NADSYN1: variants seen among roughly 807,000 people sequenced by gnomAD.
NADSYN1 encodes NAD synthetase 1, also known as glutamine-dependent NAD(+) synthetase.
A neutral mutation model predicts 99.3 loss-of-function variants in NADSYN1; 80 were observed. That is an observed-to-expected ratio of 0.81 (90% CI 0.67 to 0.97). The LOEUF is 0.97. Among genes scored for constraint, NADSYN1 ranks in the 50% least tolerant of loss-of-function variants. The pLI is 0.00. For missense variants in NADSYN1, 859 were observed against 948.5 expected (o/e 0.91, Z 1.24); for synonymous variants, 385 against 372.1 (o/e 1.03, Z -0.40).
rs1359873988 is a variant in NADSYN1, at chr11:71,500,236, T to C, written c.2071-1066T>C. ...CAGGAAGATGTCTTGAACTCTTCCTTAAGGACATGAGGAAAACCCGCCTGT... is the reference window on the plus strand; with the variant it reads ...CAGGAAGATGTCTTGAACTCTTCCTCAAGGACATGAGGAAAACCCGCCTGT... On this transcript the variant is annotated intron_variant, in intron 20 of 20. Transcript: ENST00000319023. 3.9e-5 allele frequency among the ~76,000 whole-genome samples: 6 copies of C among 152,010 alleles called. No homozygotes were observed. The South Asian group carries it at 8.3e-4, about 21-fold the overall frequency.
intron 11 of NADSYN1, 125 bp downstream of exon 11, chr11:71,481,004 A>G: frequency 1.5e-6 from 2 of 1,351,402 alleles, no homozygotes; most frequent in Non-Finnish European, 2.0e-6. Flanking sequence ...GCAGAAGGCA[A>G]CTGTGCATCC....
At chr11:71,500,658 C>T (rs955352500) in intron 20 of NADSYN1, among the ~76,000 whole-genome samples, 13 of 152,144 alleles carry the variant, frequency 8.5e-5, no homozygotes, top group Admixed American at 6.5e-5. Context: ...GGCTGATTTC[C>T]GTGGAAAGGA....
intron 16 of NADSYN1, among the ~76,000 whole-genome samples, chr11:71,486,897 C>G (rs1390173264): frequency 6.7e-6 from 1 of 148,594 alleles, no homozygotes; most frequent in African/African-American, 2.5e-5. Context: ...GTTCCGCCTC[C>G]CGGGTTCACG....
intron 16 of NADSYN1, among the ~76,000 whole-genome samples, chr11:71,488,934 G>A (rs978805459): frequency 2.0e-5 from 3 of 152,170 alleles, no homozygotes; most frequent in Non-Finnish European, 4.4e-5. Flanking sequence ...TGGGGATGTT[G>A]CTGGTGAGGA....
At chr11:71,470,737 T>C (rs1949621243) in intron 5 of NADSYN1, among the ~76,000 whole-genome samples, 1 of 152,230 alleles carries the variant, frequency 6.6e-6, no homozygotes, top group Admixed American at 6.5e-5. Context: ...TCAGGTCTTC[T>C]TATTTCAGGA....
intron 16 of NADSYN1, among the ~76,000 whole-genome samples, chr11:71,488,943 G>A (rs1949761694): frequency 2.6e-5 from 4 of 152,182 alleles, no homozygotes; most frequent in Admixed American, 2.6e-4. Context: ...TGCTGGTGAG[G>A]AGATGAGAGC....
intron 18 of NADSYN1, among the ~76,000 whole-genome samples, chr11:71,495,120 G>A (rs12575605): frequency 0.092 from 14,015 of 152,066 alleles, 838 homozygotes; most frequent in African/African-American, 0.17. Context: ...AAGTTAGGTT[G>A]TTGATTTGAG....
intron 9 of NADSYN1, among the ~76,000 whole-genome samples, chr11:71,478,101 A>T (rs1949681678): frequency 6.6e-6 from 1 of 151,586 alleles, no homozygotes; most frequent in Non-Finnish European, 1.5e-5. Context: ...TGTCTTACTG[A>T]CAGGGGTGTG....
intron 5 of NADSYN1, among the ~76,000 whole-genome samples, chr11:71,466,355 C>T (rs1341542770): frequency 6.6e-6 from 1 of 152,162 alleles, no homozygotes; most frequent in African/African-American, 2.4e-5. Flanking sequence ...TTTCCCTGTC[C>T]CCTGTCTCCC....
At chr11:71,477,263 A>T in intron 9 of NADSYN1, 1 of 1,233,728 alleles carries the variant, frequency 8.1e-7, no homozygotes, top group Non-Finnish European at 1.0e-6. Context: ...GGATGGAGCC[A>T]CCTTCTCATG....
intron 10 of NADSYN1, 49 bp downstream of exon 10, chr11:71,478,518 A>G: frequency 2.6e-6 from 4 of 1,527,876 alleles, no homozygotes; most frequent in Non-Finnish European, 3.6e-6. Context: ...AAAGACGTGG[A>G]AAGTGGCCCC....
rs374040168 is a variant in NADSYN1, at chr11:71,464,107, C to G, written c.372C>G (p.Arg124=). ...KMALANEGNY[R]ELRWFTPWSR... is the part of the protein sequence containing the mutation. ...CCTTGGCCAATGAAGGCAACTACCG[C>G]GAGCTGCGCTGGTTCACCCCGTGGT... is the stretch of plus-strand genomic sequence containing the variant. The change falls in exon 5 of 21, where the codon CGC becomes CGG. Residue 124 remains arginine, a synonymous_variant. Transcript: ENST00000319023. 13 of 1,612,074 alleles carry G rather than the reference C, an allele frequency of 8.1e-6. No individual in the cohort carries two copies. The highest frequency in any genetic ancestry group is 1.7e-5 in the Admixed American group (1 of 59,812).
In NADSYN1 at chr11:71,491,856, G is replaced by T. The variant is rs144139747; in HGVS notation, c.1717G>T (p.Ala573Ser). Reference protein sequence around the residue: ...LQSILLAPATAELEPLADGQV... With the variant: ...LQSILLAPATSELEPLADGQV... ...CAGCATCCTGTTGGCGCCGGCCACC[G>T]CAGAGCTGGAGCCCTTGGCTGATGG... is the stretch of plus-strand genomic sequence containing the variant. Residue 573 changes from alanine to serine, a missense_variant, in exon 18 of 21, where the codon GCA (alanine) becomes TCA (serine). Coordinates refer to ENST00000319023, the MANE Select transcript of NADSYN1 (RefSeq NM_018161.5). The T allele has an allele frequency of 5.6e-6, 9 of 1,613,954 alleles. No homozygotes were observed. In the South Asian group the frequency reaches 8.8e-5, roughly 16 times the overall value.
rs111450636 is a variant in NADSYN1, at chr11:71,497,354, A to T, written c.1765-129A>T. The T allele has an allele frequency of 7.5e-5, 88 of 1,179,992 alleles. No individual in the cohort carries two copies. In the African/African-American group the frequency reaches 1.0e-3, roughly 14 times the overall value. 73.1% of individuals were successfully genotyped at this position (1,179,992 alleles called of 1,614,324 possible). On this transcript the variant is annotated intron_variant, in intron 18 of 20. Coordinates refer to ENST00000319023, the MANE Select transcript of NADSYN1 (RefSeq NM_018161.5). The stretch of plus-strand genomic sequence containing the variant: ...TGACTAGCAATGGGGAGTAAAGCCC[A>T]CCTCTGCTCCTGCCTCTCTGGGAAA...
chr11:71,487,134 A>AT (rs1307205607), intron 16 of NADSYN1, among the ~76,000 whole-genome samples: 1 of 151,992 alleles, frequency 6.6e-6, no homozygotes, highest in African/African-American at 2.4e-5. Context: ...TTTAAAACTG[A>AT]TTTTTTATTT....
chr11:71,497,800 A>C (rs1400870233), intron 19 of NADSYN1, among the ~76,000 whole-genome samples, 189 bp downstream of exon 19: 1 of 152,216 alleles, frequency 6.6e-6, no homozygotes, highest in East Asian at 1.9e-4. Flanking sequence ...AGTTAATCTG[A>C]GTGAGGCTCA....
chr11:71,471,050 T>C (rs1949623108), intron 5 of NADSYN1, among the ~76,000 whole-genome samples: 1 of 152,226 alleles, frequency 6.6e-6, no homozygotes, highest in Admixed American at 6.5e-5. Context: ...CATTTATTTG[T>C]GCTTTTGTTG....
Position 71,497,512 on chromosome 11 carries a change from C to T in NADSYN1, c.1794C>T (p.Leu598=). 1.2e-6 allele frequency: 2 copies of T among 1,614,130 alleles called. No homozygotes were observed. Among genetic ancestry groups the T allele is most frequent in the South Asian group, 2.2e-5 (2 of 91,076 alleles). The change falls in exon 19 of 21, where the codon CTC becomes CTT. Residue 598 remains leucine, a synonymous_variant. Coordinates refer to ENST00000319023, the MANE Select transcript of NADSYN1 (RefSeq NM_018161.5). ...EEDMGMTYAE[L]SVYGKLRKVA... Reference sequence around the variant, plus strand: ...ATATGGGGATGACATATGCGGAGCTCTCGGTCTATGGGAAACTCAGGAAGG... The same window carrying T: ...ATATGGGGATGACATATGCGGAGCTTTCGGTCTATGGGAAACTCAGGAAGG...
chr11:71,478,329 C>A, intron 9 of NADSYN1, 66 bp from the exon 10 acceptor site: 1 of 1,371,312 alleles, frequency 7.3e-7, no homozygotes, highest in Non-Finnish European at 1.0e-6. Flanking sequence ...TTGACAGTGG[C>A]CAAATTACAC....
Sources: gnomAD v4.1 joint callset for allele counts (sites outside exome capture counted in the v4.1 genomes callset) on GRCh38, gnomAD v4.1.1 for gene constraint, MANE v1.5 for transcripts, NCBI Gene and HGNC (gene_info 2026-07-23, HGNC 2026-07-21) for gene names.